Variants in PIEZO2 observed in about 807,000 individuals in gnomAD.
PIEZO2 encodes the protein piezo type mechanosensitive ion channel component 2.
Under a neutral mutation model 337.3 loss-of-function variants are expected in PIEZO2, and 172 were observed. The ratio of observed to expected loss-of-function variants is 0.51; its 90% confidence interval spans 0.45 to 0.58. The LOEUF is 0.58. Among genes scored for constraint, PIEZO2 ranks in the 20% least tolerant of loss-of-function variants. PIEZO2 has a pLI of 0.00. For missense variants in PIEZO2, 3,028 were observed against 3,391.3 expected, an observed-to-expected ratio of 0.89 and a Z score of 2.66; for synonymous variants, 1,251 against 1,228.5, an observed-to-expected ratio of 1.02 and a Z score of -0.38.
At chr18:10,728,814 G>T (rs980218027) in intron 36 of PIEZO2, among the ~76,000 whole-genome samples, 14 of 151,950 alleles carry the variant, frequency 9.2e-5, no homozygotes, top group Non-Finnish European at 2.1e-4. Context: ...AATTAGCTGG[G>T]CATGGTGGCG....
chr18:10,726,418 C>T lies in PIEZO2; in HGVS notation c.5029+4989G>A. On this transcript the variant is annotated intron_variant, in intron 36 of 55. Coordinates refer to ENST00000674853, the MANE Select transcript of PIEZO2 (RefSeq NM_001378183.1). The surrounding 1 kb of genome is among the most constrained non-coding windows in gnomAD (Gnocchi z 5.9). ...AACGCGCGCCAGCCGTGGCACAACG[C>T]GGAGGGCCGGCTGCGGTACGGGCTA... 6.5e-7 allele frequency: 1 copy of T among 1,529,582 alleles called. No homozygotes were observed. The highest frequency in any genetic ancestry group is 8.7e-7 in the Non-Finnish European group (1 of 1,144,918). 94.8% of individuals were successfully genotyped at this position (1,529,582 alleles called of 1,614,324 possible).
At position 10,807,393 on chromosome 18, in the gene PIEZO2, T is replaced by C. The variant is rs72988003; in HGVS notation, c.918-119A>G. 15,645 of 856,134 alleles carry C rather than the reference T, an allele frequency of 0.018. 199 individuals are homozygous for C. Among genetic ancestry groups the C allele is most frequent in the Middle Eastern group, 0.052 (149 of 2,862 alleles). 53.0% of individuals were successfully genotyped at this position (856,134 alleles called of 1,614,324 possible). Reference sequence around the variant, plus strand: ...GCTATTCCTAGGTTGATCCGTTCTATTGTAGATATTTCAATTACCCTTCTG... The same window carrying C: ...GCTATTCCTAGGTTGATCCGTTCTACTGTAGATATTTCAATTACCCTTCTG... On this transcript the variant is annotated intron_variant, in intron 7 of 55. Coordinates refer to ENST00000674853, the MANE Select transcript of PIEZO2 (RefSeq NM_001378183.1).
rs1012181508 is a variant in PIEZO2 at position 11,094,313 on chromosome 18, G to T, written c.65-28091C>A. On this transcript the variant is annotated intron_variant, in intron 1 of 55. Coordinates refer to ENST00000674853, the MANE Select transcript of PIEZO2 (RefSeq NM_001378183.1). The surrounding 1 kb of genome is among the most constrained non-coding windows in gnomAD (Gnocchi z 4.4). ...TTATCATTGAAATTTTACAAATGGG[G>T]AAGCTGAGGCGAAGTGATTTTCTCA... Among the ~76,000 whole-genome samples the T allele has an allele frequency of 6.6e-6, 1 of 152,132 alleles. No homozygotes were observed. Among genetic ancestry groups the T allele is most frequent in the Non-Finnish European group, 1.5e-5 (1 of 68,028 alleles).
chr18:11,106,092 T>C (rs2039551156), intron 1 of PIEZO2, among the ~76,000 whole-genome samples: 1 of 152,092 alleles, frequency 6.6e-6, no homozygotes, highest in Non-Finnish European at 1.5e-5. Flanking sequence ...TATTTTATTT[T>C]ATTTTATTTT....
At chr18:10,857,590 T>A (rs2041742399) in intron 5 of PIEZO2, among the ~76,000 whole-genome samples, 1 of 152,246 alleles carries the variant, frequency 6.6e-6, no homozygotes, top group African/African-American at 2.4e-5. Flanking sequence ...AGAAGTTTGA[T>A]AAAACTATCC....
chr18:11,071,625 G>C (rs1418849155), intron 1 of PIEZO2, among the ~76,000 whole-genome samples: 1 of 152,192 alleles, frequency 6.6e-6, no homozygotes, highest in East Asian at 1.9e-4. Flanking sequence ...CTAGGGGAAG[G>C]GAGGCTTGCA....
intron 14 of PIEZO2, 129 bp downstream of exon 14, chr18:10,791,072 C>G: frequency 9.4e-7 from 1 of 1,068,682 alleles, no homozygotes; most frequent in Non-Finnish European, 1.3e-6. Flanking sequence ...GCTGTAATAA[C>G]GTTACTTATT....
At chr18:10,822,682 C>T (rs971183363) in intron 7 of PIEZO2, among the ~76,000 whole-genome samples, 1 of 152,210 alleles carries the variant, frequency 6.6e-6, no homozygotes, top group Admixed American at 6.5e-5. Flanking sequence ...ACAGCAGGAG[C>T]CGGCTCACCA....
intron 5 of PIEZO2, among the ~76,000 whole-genome samples, chr18:10,858,483 A>G (rs1202558639): frequency 6.6e-6 from 1 of 152,140 alleles, no homozygotes; most frequent in Non-Finnish European, 1.5e-5. Context: ...CACAAAGCTA[A>G]GAAGAATTGT....
At chr18:11,052,630 T>C (rs1294680431) in intron 2 of PIEZO2, among the ~76,000 whole-genome samples, 1 of 152,208 alleles carries the variant, frequency 6.6e-6, no homozygotes, top group Non-Finnish European at 1.5e-5. Flanking sequence ...CTCAATAAGA[T>C]ATATAAAATC....
intron 2 of PIEZO2, among the ~76,000 whole-genome samples, chr18:11,024,925 C>T (rs1829371078): frequency 6.6e-6 from 1 of 151,680 alleles, no homozygotes; most frequent in African/African-American, 2.4e-5. Context: ...AGGCATGAGC[C>T]ACCGTGCCCA....
chr18:11,058,072 G>A (rs559357749), intron 2 of PIEZO2, among the ~76,000 whole-genome samples: 19 of 152,232 alleles, frequency 1.2e-4, no homozygotes, highest in South Asian at 6.2e-4. Context: ...AGACTGCCCC[G>A]GTCTACAGAA....
intron 21 of PIEZO2, among the ~76,000 whole-genome samples, chr18:10,769,273 G>C (rs371423815): frequency 6.6e-6 from 1 of 152,142 alleles, no homozygotes; most frequent in Admixed American, 6.5e-5. Context: ...CACGAATCTC[G>C]CAGATAGAAT....
intron 49 of PIEZO2, among the ~76,000 whole-genome samples, chr18:10,689,145 T>C (rs1304150603): frequency 4.6e-5 from 7 of 152,244 alleles, no homozygotes; most frequent in African/African-American, 9.6e-5. Context: ...TTCTTCCATA[T>C]ATTAAACTTC....
intron 1 of PIEZO2, among the ~76,000 whole-genome samples, chr18:11,087,279 A>T (rs1039604166): frequency 6.6e-6 from 1 of 152,158 alleles, no homozygotes; most frequent in Non-Finnish European, 1.5e-5. Context: ...ATTTACTTAC[A>T]GAGGCAGGAA....
chr18:10,940,918 A>G lies in PIEZO2; in HGVS notation c.287-29690T>C, dbSNP rs1393363320. ...TTTCATGGTTACCCATTACTATAGC[A>G]AGGTTATAGAGAAAATATATATGGC... On this transcript the variant is annotated intron_variant, in intron 3 of 55. Transcript: ENST00000674853. The surrounding 1 kb of genome is among the most constrained non-coding windows in gnomAD (Gnocchi z 5.3). Among the ~76,000 whole-genome samples, 1 of 152,214 alleles carries G rather than the reference A, an allele frequency of 6.6e-6. No individual in the cohort carries two copies. Among genetic ancestry groups the G allele is most frequent in the Non-Finnish European group, 1.5e-5 (1 of 68,032 alleles).
rs148903538 is a variant in PIEZO2 at position 10,857,053 on chromosome 18, G to A, written c.651C>T (p.Asn217=). ...CGACTTTCCCAGCAGTGGTGATCAT[G>A]TTGCCAATGAACTCCTTGAGCTTAG... ...VASKLKEFIG[N]MITTAGKVVV... Residue 217 remains asparagine (N), a synonymous_variant, in exon 6 of 56, where the codon AAC becomes AAT. Coordinates refer to ENST00000674853, the MANE Select transcript of PIEZO2 (RefSeq NM_001378183.1). 261 of 1,537,394 alleles carry A rather than the reference G, an allele frequency of 1.7e-4. No homozygotes were observed. Among genetic ancestry groups the A allele is most frequent in the Non-Finnish European group, 1.3e-4 (147 of 1,146,944 alleles).
At position 11,069,907 on chromosome 18, in the gene PIEZO2, A is replaced by G. The variant is rs2038278103; in HGVS notation, c.65-3685T>C. Among the ~76,000 whole-genome samples, 1 of 152,250 alleles carries G rather than the reference A, an allele frequency of 6.6e-6. No homozygotes were observed. The highest frequency in any genetic ancestry group is 2.4e-5 in the African/African-American group (1 of 41,470). On this transcript the variant is annotated intron_variant, in intron 1 of 55. Transcript: ENST00000674853. The surrounding 1 kb of genome is among the most constrained non-coding windows in gnomAD (Gnocchi z 4.9). ...AACTATCTGAAAAAGAAATTTAAAAAATCCCATTCACAATAGCTACAAATA... is the reference window on the plus strand; with the variant it reads ...AACTATCTGAAAAAGAAATTTAAAAGATCCCATTCACAATAGCTACAAATA...
intron 41 of PIEZO2, among the ~76,000 whole-genome samples, chr18:10,704,972 T>C (rs2143777854): frequency 6.6e-6 from 1 of 152,368 alleles, no homozygotes; most frequent in East Asian, 1.9e-4. Flanking sequence ...ATTACAGGCA[T>C]GAGCCACTGC....
Sources: allele counts gnomAD v4.1 joint callset (sites outside exome capture counted in the v4.1 genomes callset), GRCh38; gene constraint gnomAD v4.1.1; non-coding constraint Gnocchi (gnomAD v3.1); transcripts MANE v1.5; gene names NCBI Gene and HGNC (gene_info 2026-07-23, HGNC 2026-07-21).